The following GRIK2 variants were observed in gnomAD, a reference collection of about 807,000 sequenced individuals.
GRIK2 encodes glutamate receptor ionotropic, kainate 2.
A neutral mutation model predicts 100.3 loss-of-function variants in GRIK2; 32 were observed. The observed-to-expected ratio is 0.32, with a 90% CI of 0.24 to 0.43. The LOEUF (loss-of-function observed/expected upper bound fraction) is 0.43. GRIK2 is among the 20% of genes least tolerant of loss of function. The pLI, the probability that GRIK2 is intolerant of heterozygous loss-of-function variation, is 1.00. For synonymous variants in GRIK2, 417 were observed against 389.4 expected (o/e 1.07, Z -0.83); for missense variants, 843 against 1,114.9 (o/e 0.76, Z 3.47).
At chr6:101,442,486 C>G (rs1226775516) in intron 2 of GRIK2, among the ~76,000 whole-genome samples, 3 of 152,104 alleles carry the variant, frequency 2.0e-5, no homozygotes, top group African/African-American at 7.2e-5. Context: ...ACTTGGCTGT[C>G]TCCGAACCTT....
intron 2 of GRIK2, among the ~76,000 whole-genome samples, chr6:101,605,439 A>G (rs1249995736): frequency 1.3e-5 from 2 of 151,440 alleles, no homozygotes; most frequent in East Asian, 3.9e-4. Context: ...TCTTCTTTCC[A>G]ATATCTGTCC....
chr6:101,938,079 T>C (rs985288467), intron 14 of GRIK2, among the ~76,000 whole-genome samples: 1 of 152,140 alleles, frequency 6.6e-6, no homozygotes, highest in Non-Finnish European at 1.5e-5. Flanking sequence ...AATATCACTT[T>C]GTTGTTTGTT....
intron 14 of GRIK2, among the ~76,000 whole-genome samples, chr6:101,945,387 C>T (rs975081875): frequency 5.3e-5 from 8 of 152,088 alleles, no homozygotes; most frequent in Admixed American, 2.6e-4. Context: ...TATTTGTTCC[C>T]AGTTTCATCA....
intron 4 of GRIK2, among the ~76,000 whole-genome samples, chr6:101,644,667 A>C (rs1028639904): frequency 6.6e-6 from 1 of 151,866 alleles, no homozygotes; most frequent in Non-Finnish European, 1.5e-5. Context: ...TTTAGGAAAA[A>C]GTGATATAAT....
intron 4 of GRIK2, among the ~76,000 whole-genome samples, chr6:101,644,993 G>A (rs1005427000): frequency 6.6e-6 from 1 of 151,686 alleles, no homozygotes; most frequent in Non-Finnish European, 1.5e-5. Context: ...TGGAGTAACT[G>A]TAAGGTGCAA....
chr6:101,845,967 A>C (rs1238080628), intron 10 of GRIK2, among the ~76,000 whole-genome samples: 3 of 151,706 alleles, frequency 2.0e-5, no homozygotes, highest in African/African-American at 4.8e-5. Context: ...TCTTTGGAGA[A>C]ATATCTATTC....
At chr6:101,642,394 C>G (rs1781314649) in intron 4 of GRIK2, among the ~76,000 whole-genome samples, 1 of 151,722 alleles carries the variant, frequency 6.6e-6, no homozygotes, top group Non-Finnish European at 1.5e-5. Flanking sequence ...CAACCATTCT[C>G]CATTTCTCTT....
At chr6:101,547,997 T>C (rs1407074173) in intron 2 of GRIK2, among the ~76,000 whole-genome samples, 1 of 151,964 alleles carries the variant, frequency 6.6e-6, no homozygotes, top group East Asian at 1.9e-4. Context: ...TCCTGACTTT[T>C]GAATGATTGC....
intron 14 of GRIK2, among the ~76,000 whole-genome samples, chr6:101,962,096 G>A (rs1036538142): frequency 2.0e-5 from 3 of 152,084 alleles, no homozygotes; most frequent in Non-Finnish European, 4.4e-5. Context: ...ATGACACAGG[G>A]GTGAGGGGAG....
rs1475870589 is a variant in GRIK2 at position 101,763,876 on chromosome 6, A to G, written c.952-35772A>G. ...CCTGGGCCCTGCAAATTATGAAGCC[A>G]GCCTTGTTTGCTTCCAGTATTTAAA... On this transcript the variant is annotated intron_variant, in intron 7 of 16. Transcript: ENST00000369134. 2.0e-5 allele frequency among the ~76,000 whole-genome samples: 3 copies of G among 152,004 alleles called. No individual in the cohort carries two copies. In the East Asian group the frequency reaches 5.8e-4, roughly 29 times the overall value.
At chr6:101,743,249 C>A (rs185967051) in intron 7 of GRIK2, among the ~76,000 whole-genome samples, 38 of 152,162 alleles carry the variant, frequency 2.5e-4, no homozygotes, top group African/African-American at 8.2e-4. Context: ...CCATGGTGAC[C>A]TACACCTCAG....
In GRIK2 at chr6:101,771,210, C is replaced by A. The variant is rs78266100; in HGVS notation, c.952-28438C>A. ...AAAATTAGTTAAGAGCAAAAAGAAGCATATTAGTTATCTTTCTTTTTTTTC... is the reference window on the plus strand; with the variant it reads ...AAAATTAGTTAAGAGCAAAAAGAAGAATATTAGTTATCTTTCTTTTTTTTC... On this transcript the variant is annotated intron_variant, in intron 7 of 16. Coordinates refer to ENST00000369134, the MANE Select transcript of GRIK2 (RefSeq NM_021956.5). 8.0e-3 allele frequency among the ~76,000 whole-genome samples: 1,215 copies of A among 151,988 alleles called. 15 individuals are homozygous for A. Among genetic ancestry groups the A allele is most frequent in the African/African-American group, 0.027 (1,100 of 41,472 alleles).
chr6:102,067,980 G>A (rs1421956100), intron 16 of GRIK2, among the ~76,000 whole-genome samples: 1 of 151,618 alleles, frequency 6.6e-6, no homozygotes, highest in Non-Finnish European at 1.5e-5. Flanking sequence ...ATCAAGAATG[G>A]GTTTCTGGTA....
At chr6:101,757,112 A>T (rs1156960798) in intron 7 of GRIK2, among the ~76,000 whole-genome samples, 1 of 152,132 alleles carries the variant, frequency 6.6e-6, no homozygotes, top group Non-Finnish European at 1.5e-5. Context: ...TGAGAAAAGA[A>T]AATATATGCC....
intron 7 of GRIK2, among the ~76,000 whole-genome samples, chr6:101,707,588 G>GTATATA (rs1491170927): frequency 9.8e-5 from 13 of 132,836 alleles, no homozygotes; most frequent in African/African-American, 3.8e-4. Flanking sequence ...GTGTGTGTGT[G>GTATATA]TGTGTGTATA....
intron 4 of GRIK2, among the ~76,000 whole-genome samples, chr6:101,639,040 G>T (rs1234426201): frequency 2.0e-5 from 3 of 151,450 alleles, no homozygotes; most frequent in South Asian, 4.2e-4. Flanking sequence ...CCACGTAAAA[G>T]TTCGTTTTTC....
At chr6:101,905,276 A>G (rs1043088346) in intron 12 of GRIK2, among the ~76,000 whole-genome samples, 3 of 151,594 alleles carry the variant, frequency 2.0e-5, no homozygotes, top group African/African-American at 4.8e-5. Flanking sequence ...CAATTATCAA[A>G]GGATTATATG....
At chr6:101,459,421 A>G (rs1771180148) in intron 2 of GRIK2, among the ~76,000 whole-genome samples, 1 of 152,220 alleles carries the variant, frequency 6.6e-6, no homozygotes, top group Admixed American at 6.5e-5. Context: ...GAAATCCATC[A>G]TAATATACTC....
chr6:101,798,887 G>C (rs1780486938), intron 7 of GRIK2, among the ~76,000 whole-genome samples: 1 of 152,104 alleles, frequency 6.6e-6, no homozygotes, highest in South Asian at 2.1e-4. Flanking sequence ...AACCTCCAAA[G>C]TGGTTGGTCA....
Sources: allele counts gnomAD v4.1 joint callset (sites outside exome capture counted in the v4.1 genomes callset), GRCh38; gene constraint gnomAD v4.1.1; transcripts MANE v1.5; gene names NCBI Gene and HGNC (gene_info 2026-07-23, HGNC 2026-07-21).